Variants in DRC11 observed in about 807,000 individuals in gnomAD.
DRC11 encodes dynein regulatory complex subunit 11, also known as IQ and AAA domain-containing protein 1.
the DRC11 span, among the ~76,000 whole-genome samples, chr2:236,370,239 C>T: frequency 7.9e-5 from 12 of 152,336 alleles, no homozygotes; most frequent in South Asian, 2.1e-4. The surrounding 1 kb of genome is among the most constrained non-coding windows in gnomAD (Gnocchi z 5.5). Flanking sequence ...GCCAGCCACA[C>T]GCCAGGGGCA....
At chr2:236,507,471 G>A in the DRC11 span, 4 of 595,322 alleles carry the variant, frequency 6.7e-6, no homozygotes, top group Admixed American at 8.5e-5. Flanking sequence ...CAGGCACGGA[G>A]CGCGCAGGCG....
At chr2:236,356,389 A>C in the DRC11 span, among the ~76,000 whole-genome samples, 3 of 152,294 alleles carry the variant, frequency 2.0e-5, no homozygotes, top group African/African-American at 7.2e-5. Flanking sequence ...TATTCCCAGC[A>C]GACCCGCTGG....
At chr2:236,399,240 T>G in the DRC11 span, among the ~76,000 whole-genome samples, 1 of 152,114 alleles carries the variant, frequency 6.6e-6, no homozygotes, top group East Asian at 1.9e-4. This position sits in a 1 kb window ranked among gnomAD's most constrained non-coding sequence, Gnocchi z 7.0. Flanking sequence ...TCTGCCCACC[T>G]CGGCCTCCCA....
chr2:236,407,266 T>C, the DRC11 span, among the ~76,000 whole-genome samples: 1 of 152,230 alleles, frequency 6.6e-6, no homozygotes, highest in Non-Finnish European at 1.5e-5. Flanking sequence ...GTTTCTTTGA[T>C]GGTATCTGGG....
At chr2:236,504,328 T>C in the DRC11 span, among the ~76,000 whole-genome samples, 1 of 152,184 alleles carries the variant, frequency 6.6e-6, no homozygotes, top group Non-Finnish European at 1.5e-5. This position sits in a 1 kb window ranked among gnomAD's most constrained non-coding sequence, Gnocchi z 5.0. Context: ...TACACCACAT[T>C]TTGTTTATCC....
chr2:236,464,014 T>C, the DRC11 span, among the ~76,000 whole-genome samples: 1 of 152,232 alleles, frequency 6.6e-6, no homozygotes, highest in Admixed American at 6.5e-5. Context: ...TCCAGCTCCC[T>C]GCCTTGTGGG....
chr2:236,340,393 G>A, the DRC11 span, among the ~76,000 whole-genome samples: 1 of 152,142 alleles, frequency 6.6e-6, no homozygotes, highest in African/African-American at 2.4e-5. Flanking sequence ...CAAAGTGCTG[G>A]GATTACAAGT....
chr2:236,358,044 TATATAG>T, the DRC11 span, among the ~76,000 whole-genome samples: 2 of 119,174 alleles, frequency 1.7e-5, no homozygotes, highest in African/African-American at 6.8e-5. Context: ...ATATTTATAA[TATATAG>T]ATATATATTA....
chr2:236,491,339 A>C, the DRC11 span, among the ~76,000 whole-genome samples: 3 of 148,088 alleles, frequency 2.0e-5, no homozygotes, highest in Non-Finnish European at 4.5e-5. Context: ...GGGAAGTCGC[A>C]GCAGGGAAGT....
the DRC11 span, among the ~76,000 whole-genome samples, chr2:236,442,846 T>C: frequency 1.3e-5 from 2 of 152,214 alleles, no homozygotes; most frequent in Non-Finnish European, 2.9e-5. Context: ...GCAACAACTG[T>C]TGTTGACGGT....
chr2:236,314,012 A>C, the DRC11 span, among the ~76,000 whole-genome samples: 2 of 152,188 alleles, frequency 1.3e-5, no homozygotes, highest in Non-Finnish European at 2.9e-5. This position sits in a 1 kb window ranked among gnomAD's most constrained non-coding sequence, Gnocchi z 4.5. Context: ...TGGATACACA[A>C]ACCTGAAAAG....
At chr2:236,459,570 T>TAC in the DRC11 span, among the ~76,000 whole-genome samples, 2 of 144,618 alleles carry the variant, frequency 1.4e-5, no homozygotes, top group African/African-American at 2.5e-5. Flanking sequence ...CGTATATATG[T>TAC]GTATACATAC....
chr2:236,343,622 GACGAAAC>G, the DRC11 span: 8 of 878,636 alleles, frequency 9.1e-6, no homozygotes, highest in African/African-American at 1.2e-4. The surrounding 1 kb of genome is among the most constrained non-coding windows in gnomAD (Gnocchi z 6.6). Flanking sequence ...TGACACGTGA[GACGAAAC>G]ACTGCCCTGC....
At chr2:236,371,212 C>T in the DRC11 span, among the ~76,000 whole-genome samples, 4 of 152,078 alleles carry the variant, frequency 2.6e-5, no homozygotes, top group East Asian at 1.9e-4. The surrounding 1 kb of genome is among the most constrained non-coding windows in gnomAD (Gnocchi z 5.1). Flanking sequence ...GAGAAATAAA[C>T]GGCTCTGGGC....
chr2:236,324,599 C>T, the DRC11 span: 18 of 758,342 alleles, frequency 2.4e-5, no homozygotes, highest in Middle Eastern at 2.6e-4. The surrounding 1 kb of genome is among the most constrained non-coding windows in gnomAD (Gnocchi z 5.7). Flanking sequence ...TTTTCTTTGG[C>T]GAGTTGGGGT....
the DRC11 span, among the ~76,000 whole-genome samples, chr2:236,445,467 G>A: frequency 1.3e-5 from 2 of 151,796 alleles, no homozygotes; most frequent in Non-Finnish European, 2.9e-5. This position sits in a 1 kb window ranked among gnomAD's most constrained non-coding sequence, Gnocchi z 4.8. Flanking sequence ...CGAGTAGCTG[G>A]GACTACAGGT....
chr2:236,357,682 A>G, the DRC11 span, among the ~76,000 whole-genome samples: 2 of 87,794 alleles, frequency 2.3e-5, no homozygotes, highest in Admixed American at 1.0e-4. Context: ...ATATATATTT[A>G]CAATATGTAA....
chr2:236,453,077 C>A, the DRC11 span, among the ~76,000 whole-genome samples: 44 of 152,320 alleles, frequency 2.9e-4, no homozygotes, highest in African/African-American at 1.0e-3. This position sits in a 1 kb window ranked among gnomAD's most constrained non-coding sequence, Gnocchi z 4.9. Flanking sequence ...ACCGACCCAT[C>A]GTTCAAAACC....
the DRC11 span, among the ~76,000 whole-genome samples, chr2:236,384,127 G>C: frequency 7.9e-5 from 12 of 151,100 alleles, no homozygotes; most frequent in African/African-American, 2.4e-4. Context: ...ATAAACATAC[G>C]TGTGCATGTG....
Sources: gnomAD v4.1 joint callset for allele counts (sites outside exome capture counted in the v4.1 genomes callset) on GRCh38, gnomAD v4.1.1 for gene constraint, Gnocchi (gnomAD v3.1) non-coding constraint, MANE v1.5 for transcripts, NCBI Gene and HGNC (gene_info 2026-07-23, HGNC 2026-07-21) for gene names.